TEX22: variants seen among roughly 807,000 people sequenced by gnomAD.
The protein encoded by TEX22 is testis-expressed protein 22.
In TEX22, 16 loss-of-function variants were observed where a neutral mutation model predicts 11.3. That is an observed-to-expected ratio of 1.42 (90% CI 0.96 to 2.15). The LOEUF is 2.15. Among genes scored for constraint, TEX22 ranks in the 30% most tolerant of loss-of-function variants. The probability of loss-of-function intolerance (pLI) is 0.00; values close to 1 mark genes in which losing one functional copy is unlikely to be tolerated. For synonymous variants in TEX22, 97 were observed against 92.3 expected, an observed-to-expected ratio of 1.05 and a Z score of -0.29; for missense variants, 220 against 208.6, an observed-to-expected ratio of 1.05 and a Z score of -0.34.
intron 2 of TEX22, among the ~76,000 whole-genome samples, chr14:105,409,954 T>C (rs1555419176): frequency 6.6e-6 from 1 of 152,036 alleles, no homozygotes; most frequent in Non-Finnish European, 1.5e-5. Flanking sequence ...TTTTAATTTT[T>C]CTTTTGTAGA....
At chr14:105,402,721 A>C (rs587686413) in intron 2 of TEX22, among the ~76,000 whole-genome samples, 11 of 148,154 alleles carry the variant, frequency 7.4e-5, no homozygotes, top group Middle Eastern at 3.5e-3. Context: ...GCGCTACTGC[A>C]CTCCAGCCTG....
chr14:105,401,206 CAATG>C (rs1233023133), intron 2 of TEX22, among the ~76,000 whole-genome samples: 4 of 151,954 alleles, frequency 2.6e-5, no homozygotes, highest in South Asian at 2.1e-4. Flanking sequence ...AGTAGGTGCT[CAATG>C]AATGTATATG....
At chr14:105,401,654 G>C (rs2081627418) in intron 2 of TEX22, among the ~76,000 whole-genome samples, 1 of 151,872 alleles carries the variant, frequency 6.6e-6, no homozygotes, top group Non-Finnish European at 1.5e-5. Flanking sequence ...AATGGGTGCA[G>C]CACACCAACA....
chr14:105,400,260 G>C (rs587643104), intron 2 of TEX22, among the ~76,000 whole-genome samples: 36 of 152,346 alleles, frequency 2.4e-4, no homozygotes, highest in African/African-American at 8.7e-4. Context: ...GCGTGTCTGC[G>C]TGTGTTCCCA....
chr14:105,402,564 C>A (rs181721194), intron 2 of TEX22, among the ~76,000 whole-genome samples: 5 of 151,802 alleles, frequency 3.3e-5, no homozygotes, highest in East Asian at 3.9e-4. Context: ...ACCATCCTGG[C>A]TAACACGGTG....
At chr14:105,400,573 T>C (rs1310961898) in intron 2 of TEX22, among the ~76,000 whole-genome samples, 4 of 152,022 alleles carry the variant, frequency 2.6e-5, no homozygotes, top group African/African-American at 9.7e-5. Context: ...GAGGAGTGTG[T>C]ATTGGACCCA....
At chr14:105,411,560 C>A (rs1401708162) in intron 3 of TEX22, 64 bp downstream of exon 3, 2 of 1,232,266 alleles carry the variant, frequency 1.6e-6, no homozygotes, top group Non-Finnish European at 2.0e-6. Context: ...GCCTCGCCTC[C>A]CTCGACTCAG....
intron 2 of TEX22, among the ~76,000 whole-genome samples, chr14:105,406,703 A>G (rs1555418889): frequency 6.6e-6 from 1 of 151,836 alleles, no homozygotes; most frequent in African/African-American, 2.4e-5. Context: ...GAACTAAATG[A>G]AACAGTGAAA....
chr14:105,401,926 C>T (rs2081629153), intron 2 of TEX22, among the ~76,000 whole-genome samples: 1 of 152,190 alleles, frequency 6.6e-6, no homozygotes, highest in Non-Finnish European at 1.5e-5. Flanking sequence ...TGGCTCATGC[C>T]TGTAATCCCA....
intron 2 of TEX22, among the ~76,000 whole-genome samples, chr14:105,410,475 C>T (rs781783046): frequency 6.6e-6 from 1 of 152,234 alleles, no homozygotes; most frequent in Non-Finnish European, 1.5e-5. Context: ...ATTCCTTCCA[C>T]ATTTTCGCTA....
In TEX22 at chr14:105,413,629, C is replaced by T. The variant is rs1555419614; in HGVS notation, c.*1796C>T. ...CTACAGAGCACCTCCCCCATGGTGGCAGCAGAGACAAAACCCTGGCCTCCT... is the reference window on the plus strand; with the variant it reads ...CTACAGAGCACCTCCCCCATGGTGGTAGCAGAGACAAAACCCTGGCCTCCT... On this transcript the variant is annotated 3_prime_UTR_variant, in exon 4 of 4. Transcript: ENST00000451127. The surrounding 1 kb of genome is among the most constrained non-coding windows in gnomAD (Gnocchi z 4.2). 1 of 152,286 alleles carries T rather than the reference C, an allele frequency of 6.6e-6. No homozygotes were observed. The highest frequency in any genetic ancestry group is 1.9e-4 in the East Asian group (1 of 5,196). 9.4% of individuals were successfully genotyped at this position (152,286 alleles called of 1,614,324 possible).
chr14:105,400,159 C>T (rs1006577625), intron 2 of TEX22, among the ~76,000 whole-genome samples: 1 of 152,190 alleles, frequency 6.6e-6, no homozygotes, highest in Non-Finnish European at 1.5e-5. Context: ...GAGATGGGTG[C>T]AGGGGCTCCT....
At chr14:105,409,724 ATTCT>A (rs71129286) in intron 2 of TEX22, among the ~76,000 whole-genome samples, 22,797 of 145,232 alleles carry the variant, frequency 0.16, 2,264 homozygotes, top group Non-Finnish European at 0.24. Context: ...TCTTTCATTC[ATTCT>A]TTCTTTCGTT....
intron 2 of TEX22, among the ~76,000 whole-genome samples, chr14:105,409,901 A>C (rs1555419167): frequency 6.6e-6 from 1 of 151,396 alleles, no homozygotes; most frequent in Non-Finnish European, 1.5e-5. Context: ...CAGCCTCCCC[A>C]GTAGCAAGGA....
intron 2 of TEX22, among the ~76,000 whole-genome samples, chr14:105,401,877 A>C (rs1039025008): frequency 2.0e-5 from 3 of 152,174 alleles, no homozygotes; most frequent in Non-Finnish European, 2.9e-5. Flanking sequence ...AGATGGATGC[A>C]TGGTACCACT....
chr14:105,402,519 C>T (rs779124176), intron 2 of TEX22, among the ~76,000 whole-genome samples: 2 of 152,002 alleles, frequency 1.3e-5, no homozygotes, highest in African/African-American at 2.4e-5. Flanking sequence ...CTTTGGGAGG[C>T]TGGGGCGGGC....
At position 105,411,377 on chromosome 14, in the gene TEX22, C is replaced by G. The variant is rs1054628551; in HGVS notation, c.160C>G (p.Pro54Ala). 7.8e-5 allele frequency: 103 copies of G among 1,327,966 alleles called. 1 individual carries two copies. Among genetic ancestry groups the G allele is most frequent in the Admixed American group, 3.4e-5 (1 of 29,578 alleles). 82.3% of individuals were successfully genotyped at this position (1,327,966 alleles called of 1,614,324 possible). Residue 54 changes from proline to alanine, a missense_variant, in exon 3 of 4, where the codon CCG becomes GCG. By Grantham distance (27) the Pro-to-Ala change is conservative. Coordinates refer to ENST00000451127, the MANE Select transcript of TEX22 (RefSeq NM_001195082.2). ...CTGCCCTGTCCCCCAGGTGTGCGAG[C>G]CGCCGGAACGCAGGCGCCCGGGCCG... ...GLQTQDWVCE[P>A]PERRRPGRRW...
chr14:105,411,923 C>G lies in TEX22; in HGVS notation c.*90C>G. 1.6e-6 allele frequency: 2 copies of G among 1,267,760 alleles called. No homozygotes were observed. Among genetic ancestry groups the G allele is most frequent in the Non-Finnish European group, 2.1e-6 (2 of 965,874 alleles). 78.5% of individuals were successfully genotyped at this position (1,267,760 alleles called of 1,614,324 possible). On this transcript the variant is annotated 3_prime_UTR_variant, in exon 4 of 4. Coordinates refer to ENST00000451127, the MANE Select transcript of TEX22 (RefSeq NM_001195082.2). ...CCTCTGCGCCTTCTTTGTGCCCCAC[C>G]AGGGGGTCACCACCCACCCATGTTA...
At chr14:105,411,226 G>T (rs2081688019) in intron 2 of TEX22, 142 bp from the exon 3 acceptor site, 18 of 1,012,446 alleles carry the variant, frequency 1.8e-5, no homozygotes, top group Non-Finnish European at 2.1e-5. Context: ...CCGGGAGCTG[G>T]CGCTGGAGCA....
Sources: allele counts gnomAD v4.1 joint callset (sites outside exome capture counted in the v4.1 genomes callset), GRCh38; gene constraint gnomAD v4.1.1; non-coding constraint Gnocchi (gnomAD v3.1); transcripts MANE v1.5; gene names NCBI Gene and HGNC (gene_info 2026-07-23, HGNC 2026-07-21).